Variants in GPR155 observed in about 807,000 individuals in gnomAD.
GPR155 encodes the protein lysosomal cholesterol signaling protein.
Under a neutral mutation model 93.1 loss-of-function variants are expected in GPR155, and 65 were observed. That is an observed-to-expected ratio of 0.70 (90% CI 0.57 to 0.86). The LOEUF (loss-of-function observed/expected upper bound fraction) is 0.86, where lower values mean the gene tolerates loss of function less well. GPR155 is among the 40% of genes least tolerant of loss of function. GPR155 has a pLI of 0.00. For missense variants in GPR155, 838 were observed against 1,034.8 expected, an observed-to-expected ratio of 0.81 and a Z score of 2.61; for synonymous variants, 319 against 360.1, an observed-to-expected ratio of 0.89 and a Z score of 1.29.
chr2:174,466,792 T>C (rs555550805), intron 5 of GPR155, among the ~76,000 whole-genome samples, 165 bp from the exon 6 acceptor site: 41 of 152,320 alleles, frequency 2.7e-4, no homozygotes, highest in African/African-American at 9.4e-4. Flanking sequence ...TAAATTATTA[T>C]AACCAATGTA....
At chr2:174,444,486 CTT>C (rs71024807) in intron 13 of GPR155, among the ~76,000 whole-genome samples, 1,286 of 89,580 alleles carry the variant, frequency 0.014, 12 homozygotes, top group African/African-American at 0.052. Context: ...CCAAAGTGAC[CTT>C]TTTTTTTTTT....
At chr2:174,484,274 A>G (rs1688411874) in intron 1 of GPR155, among the ~76,000 whole-genome samples, 1 of 152,262 alleles carries the variant, frequency 6.6e-6, no homozygotes, top group Non-Finnish European at 1.5e-5. Flanking sequence ...ACCGGTTGGT[A>G]CAGATACACA....
intron 13 of GPR155, 135 bp from the exon 14 acceptor site, chr2:174,442,318 A>G: frequency 1.7e-6 from 1 of 591,808 alleles, no homozygotes; most frequent in Non-Finnish European, 3.1e-6. Flanking sequence ...TAAGTGGAAC[A>G]CACAAAGTAG....
intron 14 of GPR155, among the ~76,000 whole-genome samples, chr2:174,440,252 A>G (rs1426404311): frequency 2.0e-5 from 3 of 152,174 alleles, no homozygotes; most frequent in Non-Finnish European, 1.5e-5. Flanking sequence ...TCAATTTCCT[A>G]TTCAAAGCAT....
chr2:174,481,499 A>G lies in GPR155; in HGVS notation c.458T>C (p.Ile153Thr), dbSNP rs1165137572. 1.9e-6 allele frequency: 3 copies of G among 1,557,730 alleles called. No homozygotes were observed. The highest frequency in any genetic ancestry group is 2.6e-6 in the Non-Finnish European group (3 of 1,141,296). Reference protein sequence around the residue: ...QSNDFALGYPIVEALYQTTYP... With the variant: ...QSNDFALGYPTVEALYQTTYP... ...TTGAAAAATAAAAATTAACTTACCT[A>G]TAGGGTATCCCAATGCAAAGTCATT... Residue 153 changes from isoleucine (I) to threonine (T), a missense_variant and splice_region_variant, in exon 2 of 16, where the codon ATA (isoleucine) becomes ACA (threonine). This residue lies in a region of GPR155 where 663 missense variants were observed against 790.1 expected (regional missense o/e 0.84). Coordinates refer to ENST00000392552, the MANE Select transcript of GPR155 (RefSeq NM_152529.7).
intron 15 of GPR155, among the ~76,000 whole-genome samples, chr2:174,439,023 A>G (rs766778257): frequency 6.6e-6 from 1 of 152,184 alleles, no homozygotes; most frequent in Non-Finnish European, 1.5e-5. Flanking sequence ...AACTTGCCCA[A>G]TGTCACACAG....
intron 15 of GPR155, among the ~76,000 whole-genome samples, chr2:174,439,261 CTT>C (rs1288475188): frequency 6.6e-6 from 1 of 151,924 alleles, no homozygotes; most frequent in Admixed American, 6.6e-5. Context: ...TTTGTTTTCT[CTT>C]TTATGACAAA....
In GPR155 at chr2:174,461,830, T is replaced by A. The variant is rs141011523; in HGVS notation, c.1385-158A>T. Among the ~76,000 whole-genome samples, 95 of 152,372 alleles carry A rather than the reference T, an allele frequency of 6.2e-4. 1 individual carries two copies. The East Asian group carries it at 0.017, about 27-fold the overall frequency. ...CCTTCTAAATAAATGCTATCCTCAA[T>A]ATTTTGAAACAAGTTTTAATTCAAA... On this transcript the variant is annotated intron_variant, in intron 7 of 15. Transcript: ENST00000392552.
chr2:174,453,582 C>T (rs897679708), intron 11 of GPR155, among the ~76,000 whole-genome samples, 155 bp downstream of exon 11: 7 of 145,430 alleles, frequency 4.8e-5, no homozygotes, highest in Admixed American at 4.4e-4. Context: ...ATGGCGTGAA[C>T]CTGGGAGGCA....
In GPR155 at chr2:174,446,686, C is replaced by G; in HGVS notation, c.1938G>C (p.Gln646His). 1 of 1,613,876 alleles carries G rather than the reference C, an allele frequency of 6.2e-7. No homozygotes were observed. Among genetic ancestry groups the G allele is most frequent in the Non-Finnish European group, 8.5e-7 (1 of 1,179,736 alleles). ...QSCILAQEEE[Q>H]YLQSGDQQLT... ...GTTGCTGGTCTCCACTCTGTAGATA[C>G]TGTTCTTCTTCCTGGGCTAATATGC... Residue 646 changes from glutamine to histidine, a missense_variant, in exon 12 of 16, where the codon CAG (glutamine) becomes CAC (histidine). Coordinates refer to ENST00000392552, the MANE Select transcript of GPR155 (RefSeq NM_152529.7).
At chr2:174,450,270 A>G (rs187292264) in intron 11 of GPR155, among the ~76,000 whole-genome samples, 2 of 152,346 alleles carry the variant, frequency 1.3e-5, no homozygotes, top group Admixed American at 1.3e-4. Context: ...GGAACTAAAC[A>G]TCAGATACTC....
chr2:174,444,486 C>A (rs1270125688), intron 13 of GPR155, among the ~76,000 whole-genome samples: 4 of 89,602 alleles, frequency 4.5e-5, no homozygotes, highest in African/African-American at 1.8e-4. Context: ...CCAAAGTGAC[C>A]TTTTTTTTTT....
intron 13 of GPR155, among the ~76,000 whole-genome samples, chr2:174,442,810 GGA>G (rs1687005790): frequency 1.3e-5 from 2 of 152,156 alleles, no homozygotes; most frequent in African/African-American, 4.8e-5. Context: ...GAATGCAGAA[GGA>G]CCCAAATTTC....
Position 174,481,941 on chromosome 2 carries a change from G to A in GPR155, c.16C>T (p.Pro6Ser). 6.2e-7 allele frequency: 1 copy of A among 1,607,948 alleles called. No homozygotes were observed. The highest frequency in any genetic ancestry group is 8.5e-7 in the Non-Finnish European group (1 of 1,175,234). Residue 6 changes from proline to serine, a missense_variant, in exon 2 of 16, where the codon CCT (proline) becomes TCT (serine). Physicochemically the swap from Pro to Ser is moderately conservative, Grantham distance 74. Coordinates refer to ENST00000392552, the MANE Select transcript of GPR155 (RefSeq NM_152529.7). MNSNL[P>S]AENLTIAVNM... ...ACTGCAATGGTTAAGTTCTCTGCAG[G>A]TAAATTAGAATTCATTTTCTCTCAC... is the stretch of plus-strand genomic sequence containing the variant.
intron 5 of GPR155, among the ~76,000 whole-genome samples, chr2:174,467,799 G>A (rs974049424): frequency 3.3e-5 from 5 of 151,944 alleles, no homozygotes; most frequent in East Asian, 1.9e-4. Context: ...GCAGTGGTGC[G>A]ATCTCGGCTC....
intron 10 of GPR155, among the ~76,000 whole-genome samples, chr2:174,454,888 G>A (rs570507292): frequency 6.9e-6 from 1 of 144,018 alleles, no homozygotes; most frequent in South Asian, 2.3e-4. Flanking sequence ...AGAAGGAAGG[G>A]AAAGGAAGGA....
chr2:174,475,319 A>T (rs1301426922), intron 2 of GPR155, among the ~76,000 whole-genome samples: 1 of 144,782 alleles, frequency 6.9e-6, no homozygotes, highest in East Asian at 2.0e-4. Context: ...AAAAAAAAAA[A>T]AAAAAAATTA....
At chr2:174,459,497 G>T (rs1306780288) in intron 10 of GPR155, among the ~76,000 whole-genome samples, 1 of 152,152 alleles carries the variant, frequency 6.6e-6, no homozygotes, top group Non-Finnish European at 1.5e-5. Context: ...CTAGTTCAAG[G>T]AAGTTTCCCA....
At position 174,473,299 on chromosome 2, in the gene GPR155, A is replaced by T; in HGVS notation, c.526T>A (p.Ser176Thr). Reference protein sequence around the residue: ...LQYIYLVAPISLMMLNPIGFI... With the variant: ...LQYIYLVAPITLMMLNPIGFI... ...CCTATAGGGTTTAACATCATAAGAG[A>T]TATTGGTGCCACCAAATAAATGTAC... The change falls in exon 3 of 16, where the codon TCT becomes ACT. Residue 176 changes from serine (S) to threonine (T), a missense_variant. Coordinates refer to ENST00000392552, the MANE Select transcript of GPR155 (RefSeq NM_152529.7). 18 of 1,604,076 alleles carry T rather than the reference A, an allele frequency of 1.1e-5. No individual in the cohort carries two copies. The highest frequency in any genetic ancestry group is 1.5e-5 in the Non-Finnish European group (18 of 1,173,340).
Sources: allele counts gnomAD v4.1 joint callset (sites outside exome capture counted in the v4.1 genomes callset), GRCh38; gene constraint gnomAD v4.1.1; regional missense constraint gnomAD v4.1.1; transcripts MANE v1.5; gene names NCBI Gene and HGNC (gene_info 2026-07-23, HGNC 2026-07-21).